The following RAD21L1 variants were observed in gnomAD, a reference collection of about 807,000 sequenced individuals.
RAD21L1 encodes the protein RAD21 cohesin complex component like 1.
A neutral mutation model predicts 69.0 loss-of-function variants in RAD21L1; 47 were observed. The observed-to-expected ratio is 0.68, with a 90% CI of 0.54 to 0.87. The LOEUF (loss-of-function observed/expected upper bound fraction) is 0.87. Among genes scored for constraint, RAD21L1 ranks in the 40% least tolerant of loss-of-function variants. The probability of loss-of-function intolerance (pLI) is 0.00; values close to 1 mark genes in which losing one functional copy is unlikely to be tolerated. For synonymous variants in RAD21L1, 177 were observed against 205.8 expected, an observed-to-expected ratio of 0.86 and a Z score of 1.20; for missense variants, 583 against 647.6, an observed-to-expected ratio of 0.90 and a Z score of 1.08.
At chr20:1,226,620 G>C (rs2087267505) in intron 1 of RAD21L1, among the ~76,000 whole-genome samples, 1 of 151,254 alleles carries the variant, frequency 6.6e-6, no homozygotes, top group East Asian at 2.0e-4. Context: ...CCCTCCCTTC[G>C]CTCCCTCCCC....
At chr20:1,231,852 A>G (rs1370259646) in intron 4 of RAD21L1, among the ~76,000 whole-genome samples, 1 of 152,226 alleles carries the variant, frequency 6.6e-6, no homozygotes, top group Non-Finnish European at 1.5e-5. Flanking sequence ...TTCAGTAAAT[A>G]TTCACTGAGT....
Position 1,255,744 on chromosome 20 carries a change from C to G in RAD21L1, c.*1287C>G, listed in dbSNP as rs1471329431. Among the ~76,000 whole-genome samples, 1 of 152,156 alleles carries G rather than the reference C, an allele frequency of 6.6e-6. No homozygotes were observed. The highest frequency in any genetic ancestry group is 2.4e-5 in the African/African-American group (1 of 41,434). On this transcript the variant is annotated 3_prime_UTR_variant, in exon 14 of 14. Transcript: ENST00000683101. ...TCCCTTTGTAGTAACCCCCTTCCCC[C>G]ATATAACATCTGGCAACCACTCTTC...
rs1332765066 is a variant in RAD21L1 at position 1,255,592 on chromosome 20, A to G, written c.*1135A>G. Among the ~76,000 whole-genome samples the G allele has an allele frequency of 6.6e-6, 1 of 152,212 alleles. No individual in the cohort carries two copies. Among genetic ancestry groups the G allele is most frequent in the Non-Finnish European group, 1.5e-5 (1 of 68,028 alleles). On this transcript the variant is annotated 3_prime_UTR_variant, in exon 14 of 14. Transcript: ENST00000683101. ...AAAATTTCTTTTATTTTTTAAATTA[A>G]CATACAGAAAATTTGACTTCTTAAT...
chr20:1,253,187 C>T (rs918920744), intron 13 of RAD21L1, among the ~76,000 whole-genome samples: 1 of 152,182 alleles, frequency 6.6e-6, no homozygotes, highest in Non-Finnish European at 1.5e-5. Context: ...AATTTGTTGA[C>T]TGTTATGGAC....
rs1206961117 is a variant in RAD21L1 at position 1,228,477 on chromosome 20, G to A, written c.24G>A (p.Met8Ile). The change falls in exon 2 of 14, where the codon ATG becomes ATA. Residue 8 changes from methionine (M) to isoleucine (I), a missense_variant. Transcript: ENST00000683101. MFYTHVL[M>I]SKRGPLAKIW... The stretch of plus-strand genomic sequence containing the variant: ...ACATGTTCTACACACATGTGCTTAT[G>A]AGTAAACGAGGGCCATTGGCCAAAA... 30 of 1,549,372 alleles carry A rather than the reference G, an allele frequency of 1.9e-5. No homozygotes were observed. Among genetic ancestry groups the A allele is most frequent in the Non-Finnish European group, 2.5e-5 (29 of 1,146,214 alleles).
At chr20:1,240,225 C>T in intron 7 of RAD21L1, 96 bp from the exon 8 acceptor site, 1 of 1,404,038 alleles carries the variant, frequency 7.1e-7, no homozygotes, top group Non-Finnish European at 9.2e-7. Flanking sequence ...TATAAATCTT[C>T]AGTTAGTTTA....
intron 11 of RAD21L1, 76 bp downstream of exon 11, chr20:1,244,246 T>G (rs1174501188): frequency 9.7e-7 from 1 of 1,029,674 alleles, no homozygotes; most frequent in East Asian, 2.8e-5. Context: ...GACTCTGGTA[T>G]ATTTTCTTAC....
At position 1,242,962 on chromosome 20, in the gene RAD21L1, A is replaced by G. The variant is rs1308731276; in HGVS notation, c.1083+117A>G. On this transcript the variant is annotated intron_variant, in intron 9 of 13. Coordinates refer to ENST00000683101, the MANE Select transcript of RAD21L1 (RefSeq NM_001384355.1). ...ACAGAATTTAAACTTGCGAAGAAGT[A>G]CTTCCTCATTTTGAATTAATTTTCT... is the stretch of plus-strand genomic sequence containing the variant. The G allele has an allele frequency of 4.4e-6, 4 of 906,264 alleles. No individual in the cohort carries two copies. The Admixed American group carries it at 7.8e-5, about 18-fold the overall frequency. The allele number at this position is 906,264 out of a possible 1,614,324, so 56.1% of individuals were successfully genotyped here.
chr20:1,237,197 G>T (rs17779339), intron 5 of RAD21L1, among the ~76,000 whole-genome samples: 7,718 of 152,146 alleles, frequency 0.051, 247 homozygotes, highest in South Asian at 0.095. Flanking sequence ...TGGACCTCTG[G>T]GGTTTCAGAC....
chr20:1,244,256 C>T (rs1430346720), intron 11 of RAD21L1, 86 bp downstream of exon 11: 2 of 937,462 alleles, frequency 2.1e-6, no homozygotes, highest in Non-Finnish European at 3.1e-6. Context: ...TATTTTCTTA[C>T]ATTTGTGTAG....
Position 1,236,260 on chromosome 20 carries a change from A to G in RAD21L1, c.476-1784A>G, listed in dbSNP as rs1456660068. On this transcript the variant is annotated intron_variant, in intron 5 of 13. Coordinates refer to ENST00000683101, the MANE Select transcript of RAD21L1 (RefSeq NM_001384355.1). ...ACAAATCTTCCTCCAGTCTCTTCCCACATTTTATACATCTTTGTAAGAGCA... is the reference window on the plus strand; with the variant it reads ...ACAAATCTTCCTCCAGTCTCTTCCCGCATTTTATACATCTTTGTAAGAGCA... Among the ~76,000 whole-genome samples, 7 of 152,136 alleles carry G rather than the reference A, an allele frequency of 4.6e-5. 1 individual carries two copies. The highest frequency in any genetic ancestry group is 3.9e-4 in the Admixed American group (6 of 15,280).
At chr20:1,253,824 T>G (rs551309657) in intron 13 of RAD21L1, among the ~76,000 whole-genome samples, 2 of 152,344 alleles carry the variant, frequency 1.3e-5, no homozygotes, top group East Asian at 3.9e-4. Flanking sequence ...ACACTGAAAC[T>G]GGAGTTGTTT....
intron 13 of RAD21L1, among the ~76,000 whole-genome samples, chr20:1,250,187 A>G (rs2087799359): frequency 6.6e-6 from 1 of 150,894 alleles, no homozygotes; most frequent in Admixed American, 6.6e-5. Context: ...ACATGAACTC[A>G]TCCTTTTTTA....
At chr20:1,229,044 A>C (rs879859907) in intron 2 of RAD21L1, among the ~76,000 whole-genome samples, 1 of 152,240 alleles carries the variant, frequency 6.6e-6, no homozygotes, top group Non-Finnish European at 1.5e-5. Flanking sequence ...TTTGCATTAC[A>C]GCATTTAATA....
intron 7 of RAD21L1, 63 bp from the exon 8 acceptor site, chr20:1,240,258 A>T: frequency 6.9e-7 from 1 of 1,449,196 alleles, no homozygotes; most frequent in Non-Finnish European, 9.1e-7. Flanking sequence ...ATTCTCATAC[A>T]GTCCTCTAGC....
At chr20:1,243,389 G>C (rs1196135401) in intron 10 of RAD21L1, among the ~76,000 whole-genome samples, 193 bp downstream of exon 10, 1 of 152,030 alleles carries the variant, frequency 6.6e-6, no homozygotes, top group Non-Finnish European at 1.5e-5. Context: ...ATTAATTTTT[G>C]TCCCAGAGAT....
chr20:1,235,070 G>A (rs955834695), intron 5 of RAD21L1, among the ~76,000 whole-genome samples: 2 of 152,096 alleles, frequency 1.3e-5, no homozygotes, highest in Admixed American at 1.3e-4. Context: ...AAGCAATATG[G>A]TGTAATTTAA....
At position 1,242,779 on chromosome 20, in the gene RAD21L1, G is replaced by A. The variant is rs2087638629; in HGVS notation, c.1017G>A (p.Lys339=). ...CCCAAAGATTGATGATGTGGAAGAA[G>A]AGGGGAGGAGTGCATACACTTCTGT... The part of the protein sequence containing the change: ...PPTQRLMMWK[K]RGGVHTLLST... Residue 339 remains lysine, a synonymous_variant, in exon 9 of 14, where the codon AAG becomes AAA. Transcript: ENST00000683101. 3.9e-6 allele frequency: 6 copies of A among 1,551,506 alleles called. No individual in the cohort carries two copies. Among genetic ancestry groups the A allele is most frequent in the Non-Finnish European group, 5.2e-6 (6 of 1,146,922 alleles).
At position 1,231,627 on chromosome 20, in the gene RAD21L1, ATTTT is replaced by A; in HGVS notation, c.368+9_368+12del. 8.1e-7 allele frequency: 1 copy of A among 1,237,442 alleles called. No individual in the cohort carries two copies. Among genetic ancestry groups the A allele is most frequent in the Non-Finnish European group, 1.1e-6 (1 of 877,890 alleles). 76.7% of individuals were successfully genotyped at this position (1,237,442 alleles called of 1,614,324 possible). On this transcript the variant is annotated intron_variant, in intron 4 of 13. Transcript: ENST00000683101. ...TGACACCCAAAATATGAAGTAAAATATTTTATTTATTTTCCTTCGATTTAATTTT... is the reference window on the plus strand; with the variant it reads ...TGACACCCAAAATATGAAGTAAAATAATTTATTTTCCTTCGATTTAATTTT...
Sources: gnomAD v4.1 joint callset for allele counts (sites outside exome capture counted in the v4.1 genomes callset) on GRCh38, gnomAD v4.1.1 for gene constraint, MANE v1.5 for transcripts, NCBI Gene and HGNC (gene_info 2026-07-23, HGNC 2026-07-21) for gene names.